The following MECOM variants were observed in gnomAD, a reference collection of about 807,000 sequenced individuals.
MECOM encodes histone-lysine N-methyltransferase MECOM.
MECOM carries 13 observed loss-of-function variants against 116.3 expected under a neutral mutation model. The ratio of observed to expected loss-of-function variants is 0.11; its 90% CI spans 0.07 to 0.18. The LOEUF is 0.18. MECOM is among the 10% of genes least tolerant of loss of function. The pLI, the probability that MECOM is intolerant of heterozygous loss-of-function variation, is 1.00. For synonymous variants in MECOM, 528 were observed against 535.2 expected (o/e 0.99, Z 0.19); for missense variants, 1,299 against 1,509.0 (o/e 0.86, Z 2.31).
intron 2 of MECOM, among the ~76,000 whole-genome samples, chr3:169,376,996 C>T (rs1487373589): frequency 6.6e-6 from 1 of 152,114 alleles, no homozygotes; most frequent in Non-Finnish European, 1.5e-5. Flanking sequence ...ACCAATAGAA[C>T]AGAACAGACA....
At chr3:169,332,348 T>C (rs773561049) in intron 2 of MECOM, among the ~76,000 whole-genome samples, 8 of 152,082 alleles carry the variant, frequency 5.3e-5, no homozygotes, top group South Asian at 2.1e-4. Flanking sequence ...GTTTATAAGA[T>C]GGGATGTTTA....
chr3:169,656,727 G>C (rs528688447), intron 1 of MECOM, among the ~76,000 whole-genome samples: 8 of 152,244 alleles, frequency 5.3e-5, no homozygotes, highest in Admixed American at 5.2e-4. Context: ...GCTTTACCGT[G>C]TGCCCTTTCA....
At chr3:169,652,464 T>C (rs1489743156) in intron 1 of MECOM, among the ~76,000 whole-genome samples, 5 of 152,136 alleles carry the variant, frequency 3.3e-5, no homozygotes, top group Non-Finnish European at 7.4e-5. Context: ...AAACCATATA[T>C]GGCTGTTCTC....
chr3:169,538,923 GA>G (rs948493166), intron 1 of MECOM, among the ~76,000 whole-genome samples: 2 of 151,798 alleles, frequency 1.3e-5, no homozygotes, highest in Non-Finnish European at 2.9e-5. Context: ...CTCCTCCTTT[GA>G]AAGTCCTATA....
intron 2 of MECOM, among the ~76,000 whole-genome samples, chr3:169,159,129 G>A (rs1291966329): frequency 6.6e-6 from 1 of 152,154 alleles, no homozygotes; most frequent in Non-Finnish European, 1.5e-5. Context: ...AAAACACTTG[G>A]CCTCATGAGC....
chr3:169,555,585 T>C (rs764410408), intron 1 of MECOM, among the ~76,000 whole-genome samples: 4 of 151,954 alleles, frequency 2.6e-5, no homozygotes, highest in Non-Finnish European at 4.4e-5. Flanking sequence ...AAGGAAAAAA[T>C]CAAGTCTCAA....
intron 2 of MECOM, among the ~76,000 whole-genome samples, chr3:169,367,878 G>A (rs1012673660): frequency 6.6e-6 from 1 of 151,998 alleles, no homozygotes; most frequent in Admixed American, 6.6e-5. Context: ...ATACCTGTGA[G>A]ATCTCCTTAG....
At chr3:169,641,679 C>T (rs909097876) in intron 1 of MECOM, among the ~76,000 whole-genome samples, 8 of 152,164 alleles carry the variant, frequency 5.3e-5, no homozygotes, top group African/African-American at 1.2e-4. Context: ...TTGAACCTCA[C>T]GCTAATTCTG....
chr3:169,651,517 T>A (rs1430498957), intron 1 of MECOM, among the ~76,000 whole-genome samples: 1 of 152,202 alleles, frequency 6.6e-6, no homozygotes, highest in Non-Finnish European at 1.5e-5. Flanking sequence ...GATTGGAGAC[T>A]ATTATTCTAA....
At chr3:169,506,303 T>C (rs1755208807) in intron 1 of MECOM, among the ~76,000 whole-genome samples, 1 of 152,122 alleles carries the variant, frequency 6.6e-6, no homozygotes, top group Admixed American at 6.5e-5. Flanking sequence ...ACCAAGGAAA[T>C]GACTATTTGA....
intron 1 of MECOM, among the ~76,000 whole-genome samples, chr3:169,580,177 A>G (rs1318930412): frequency 1.3e-5 from 2 of 152,238 alleles, no homozygotes; most frequent in Admixed American, 6.5e-5. Context: ...AATGGACTTT[A>G]GAGAGAATAT....
chr3:169,363,271 G>C (rs961189295), intron 2 of MECOM, among the ~76,000 whole-genome samples: 1 of 151,934 alleles, frequency 6.6e-6, no homozygotes, highest in Non-Finnish European at 1.5e-5. Flanking sequence ...TTGGTCCAAA[G>C]CCCAAGGGAA....
At chr3:169,335,493 G>A (rs1723449255) in intron 2 of MECOM, among the ~76,000 whole-genome samples, 1 of 152,074 alleles carries the variant, frequency 6.6e-6, no homozygotes, top group African/African-American at 2.4e-5. Context: ...TGGAAGGTTG[G>A]GGAAGAACTT....
At chr3:169,413,778 C>T (rs921817080) in intron 1 of MECOM, among the ~76,000 whole-genome samples, 9 of 152,144 alleles carry the variant, frequency 5.9e-5, no homozygotes, top group Admixed American at 1.3e-4. Flanking sequence ...CAGGAGGTTT[C>T]GATTGGGCAC....
At chr3:169,459,924 A>G (rs12629027) in intron 1 of MECOM, among the ~76,000 whole-genome samples, 19,987 of 152,156 alleles carry the variant, frequency 0.13, 1,871 homozygotes, top group East Asian at 0.28. Context: ...ATACACCCCG[A>G]AAGACTAAAG....
intron 1 of MECOM, among the ~76,000 whole-genome samples, chr3:169,657,322 C>T (rs1229480148): frequency 1.3e-5 from 2 of 152,214 alleles, no homozygotes; most frequent in South Asian, 2.1e-4. Flanking sequence ...CACAGCCACA[C>T]GTGAGAGAAT....
At chr3:169,124,628 C>G (rs1560213905) in intron 5 of MECOM, among the ~76,000 whole-genome samples, 1 of 151,992 alleles carries the variant, frequency 6.6e-6, no homozygotes, top group Non-Finnish European at 1.5e-5. Context: ...TAGACACATA[C>G]TGAACTATTT....
At chr3:169,372,810 C>A (rs1021954453) in intron 2 of MECOM, among the ~76,000 whole-genome samples, 5 of 151,860 alleles carry the variant, frequency 3.3e-5, no homozygotes, top group Non-Finnish European at 7.4e-5. Flanking sequence ...AATTATTATT[C>A]CTACGTGACA....
intron 1 of MECOM, among the ~76,000 whole-genome samples, chr3:169,436,267 T>G (rs1742620011): frequency 8.7e-6 from 1 of 114,828 alleles, no homozygotes; most frequent in South Asian, 2.9e-4. Context: ...TTTTTTTTTT[T>G]GAGACAGAGT....
Sources: allele counts gnomAD v4.1 joint callset (sites outside exome capture counted in the v4.1 genomes callset), GRCh38; gene constraint gnomAD v4.1.1; transcripts MANE v1.5; gene names NCBI Gene and HGNC (gene_info 2026-07-23, HGNC 2026-07-21).